The following SPATA6 variants were observed in gnomAD, a reference collection of about 807,000 sequenced individuals.
SPATA6 encodes the protein spermatogenesis associated 6.
SPATA6 carries 56 observed loss-of-function variants against 65.3 expected under a neutral mutation model. The ratio of observed to expected loss-of-function variants is 0.86; its 90% CI spans 0.69 to 1.07. The LOEUF (loss-of-function observed/expected upper bound fraction) is 1.07, where lower values mean the gene tolerates loss of function less well. Ranked by LOEUF, SPATA6 falls within the 50% of genes least tolerant of loss-of-function variation. The probability of loss-of-function intolerance (pLI) is 0.00; values close to 1 mark genes in which losing one functional copy is unlikely to be tolerated. For synonymous variants in SPATA6, 199 were observed against 213.2 expected, an observed-to-expected ratio of 0.93 and a Z score of 0.58; for missense variants, 590 against 594.8, an observed-to-expected ratio of 0.99 and a Z score of 0.08.
intron 11 of SPATA6, among the ~76,000 whole-genome samples, chr1:48,307,687 T>C (rs967570911): frequency 6.6e-6 from 1 of 151,724 alleles, no homozygotes; most frequent in Non-Finnish European, 1.5e-5. Context: ...CTGGTGAATA[T>C]GGGATACTGA....
the SPATA6 span, among the ~76,000 whole-genome samples, chr1:48,285,433 T>G: frequency 7.1e-6 from 1 of 140,710 alleles, no homozygotes; most frequent in Admixed American, 7.5e-5. Flanking sequence ...TCCAGGGGAG[T>G]GAATGGTTGT....
intron 3 of SPATA6, among the ~76,000 whole-genome samples, chr1:48,425,917 TG>T (rs1335860588): frequency 6.6e-6 from 1 of 150,824 alleles, no homozygotes; most frequent in Non-Finnish European, 1.5e-5. Context: ...TTCTTTAAAA[TG>T]AAAAAAAAAC....
intron 1 of SPATA6, among the ~76,000 whole-genome samples, chr1:48,470,093 T>A (rs1213048260): frequency 6.6e-6 from 1 of 152,222 alleles, no homozygotes; most frequent in Non-Finnish European, 1.5e-5. Context: ...TTTCTTTAGC[T>A]CTGATAAGTA....
At chr1:48,316,683 G>C (rs1448144687) in intron 11 of SPATA6, among the ~76,000 whole-genome samples, 1 of 152,152 alleles carries the variant, frequency 6.6e-6, no homozygotes, top group African/African-American at 2.4e-5. Context: ...TTGACAAATG[G>C]GATCTAATTA....
intron 3 of SPATA6, among the ~76,000 whole-genome samples, 171 bp from the exon 4 acceptor site, chr1:48,413,322 ACT>A (rs1652445429): frequency 6.7e-6 from 1 of 149,934 alleles, no homozygotes; most frequent in South Asian, 2.1e-4. Flanking sequence ...ACAGGGTCTC[ACT>A]CTGTCGCCAG....
At chr1:48,465,163 A>C (rs72897229) in intron 1 of SPATA6, among the ~76,000 whole-genome samples, 6,436 of 152,236 alleles carry the variant, frequency 0.042, 384 homozygotes, top group African/African-American at 0.13. Context: ...TTTAAAGGAC[A>C]AAGGATATTG....
chr1:48,414,362 T>A (rs1375349391), intron 3 of SPATA6, among the ~76,000 whole-genome samples: 1 of 152,168 alleles, frequency 6.6e-6, no homozygotes, highest in African/African-American at 2.4e-5. Flanking sequence ...TCAGGAGAAA[T>A]TCTTTTTTCT....
chr1:48,278,465 C>T, the SPATA6 span, among the ~76,000 whole-genome samples: 1 of 152,096 alleles, frequency 6.6e-6, no homozygotes, highest in Non-Finnish European at 1.5e-5. Context: ...AACTAGAATA[C>T]CCAATACAGA....
At chr1:48,427,190 A>G (rs1447129926) in intron 3 of SPATA6, among the ~76,000 whole-genome samples, 2 of 152,154 alleles carry the variant, frequency 1.3e-5, no homozygotes, top group African/African-American at 4.8e-5. Flanking sequence ...CGCTTCCCAA[A>G]GTGCTGGGAT....
chr1:48,452,630 C>T (rs573252107), intron 2 of SPATA6, among the ~76,000 whole-genome samples: 14 of 152,166 alleles, frequency 9.2e-5, no homozygotes, highest in African/African-American at 2.9e-4. Flanking sequence ...GTGATCCACC[C>T]GCCTCGGCCT....
chr1:48,389,062 C>A (rs905635717), intron 8 of SPATA6, among the ~76,000 whole-genome samples: 1 of 152,016 alleles, frequency 6.6e-6, no homozygotes, highest in Non-Finnish European at 1.5e-5. Context: ...CCAGGCTGGT[C>A]TCGAAGTCCT....
At chr1:48,294,003 C>T (rs1482429617), downstream of SPATA6, among the ~76,000 whole-genome samples, 2 of 152,190 alleles carry the variant, frequency 1.3e-5, no homozygotes, top group African/African-American at 4.8e-5. Context: ...AACACATTAA[C>T]TTAACAAAAT....
chr1:48,322,877 T>C (rs1291436019), intron 11 of SPATA6, among the ~76,000 whole-genome samples: 1 of 152,200 alleles, frequency 6.6e-6, no homozygotes, highest in African/African-American at 2.4e-5. Flanking sequence ...TGAGATATCA[T>C]CTCATGCCAG....
intron 9 of SPATA6, among the ~76,000 whole-genome samples, chr1:48,384,881 A>T (rs942391089): frequency 3.3e-5 from 5 of 151,148 alleles, no homozygotes; most frequent in African/African-American, 4.9e-5. Context: ...GAGTAAACAA[A>T]CAGAAAGAAA....
downstream of SPATA6, among the ~76,000 whole-genome samples, chr1:48,293,413 G>C (rs1373009956): frequency 1.3e-5 from 2 of 152,112 alleles, no homozygotes; most frequent in Non-Finnish European, 2.9e-5. Context: ...CTACTATGCT[G>C]CCGCAGCTTC....
At chr1:48,471,909 GGAGTCCCTGA>G in intron 1 of SPATA6, 39 bp downstream of exon 1, 3 of 1,601,062 alleles carry the variant, frequency 1.9e-6, no homozygotes, top group Non-Finnish European at 2.6e-6. Context: ...GGTGACTGAG[GGAGTCCCTGA>G]GCCAATGCCC....
intron 9 of SPATA6, among the ~76,000 whole-genome samples, chr1:48,365,249 T>C (rs184642074): frequency 6.6e-6 from 1 of 152,294 alleles, no homozygotes; most frequent in African/African-American, 2.4e-5. Flanking sequence ...TCCGGGTTTG[T>C]TCTTTTGGCT....
At chr1:48,264,316 C>G in the SPATA6 span, among the ~76,000 whole-genome samples, 1 of 152,164 alleles carries the variant, frequency 6.6e-6, no homozygotes, top group Non-Finnish European at 1.5e-5. Context: ...CACATTTCCA[C>G]CTTATCTTGA....
chr1:48,366,711 G>A (rs1305987672), intron 9 of SPATA6, among the ~76,000 whole-genome samples: 9 of 151,820 alleles, frequency 5.9e-5, no homozygotes, highest in South Asian at 2.1e-4. Flanking sequence ...TGTTGCTAGC[G>A]GTCTATCAAT....
Sources: gnomAD v4.1 joint callset for allele counts (sites outside exome capture counted in the v4.1 genomes callset) on GRCh38, gnomAD v4.1.1 for gene constraint, MANE v1.5 for transcripts, NCBI Gene and HGNC (gene_info 2026-07-23, HGNC 2026-07-21) for gene names.